Variants in FAM3B observed in about 807,000 individuals in gnomAD.
The protein encoded by FAM3B is FAM3 metabolism regulating signaling molecule B.
A neutral mutation model predicts 28.4 loss-of-function variants in FAM3B; 29 were observed. The observed-to-expected ratio is 1.02, with a 90% CI of 0.76 to 1.39. FAM3B has a LOEUF of 1.39. FAM3B is among the 40% of genes most tolerant of loss of function. The pLI is 0.00. For synonymous variants in FAM3B, 91 were observed against 103.0 expected (o/e 0.88, Z 0.71); for missense variants, 266 against 293.9 (o/e 0.91, Z 0.69).
At chr21:41,350,791 C>T (rs372294885) in intron 7 of FAM3B, among the ~76,000 whole-genome samples, 119 of 152,340 alleles carry the variant, frequency 7.8e-4, no homozygotes, top group African/African-American at 2.8e-3. Context: ...CAGCGTCCTC[C>T]GACTTCTCTG....
rs1211111458 is a variant in FAM3B at position 41,316,811 on chromosome 21, C to T, written c.-69C>T. 4.3e-6 allele frequency: 6 copies of T among 1,409,868 alleles called. No individual in the cohort carries two copies. Among genetic ancestry groups the T allele is most frequent in the African/African-American group, 3.0e-5 (2 of 66,582 alleles). 87.3% of individuals were successfully genotyped at this position (1,409,868 alleles called of 1,614,324 possible). A position where few individuals can be genotyped will look rare whatever the true frequency, so the allele number is the denominator to read the frequency against. On this transcript the variant is annotated 5_prime_UTR_variant, in exon 1 of 8. Coordinates refer to ENST00000357985, the MANE Select transcript of FAM3B (RefSeq NM_058186.4). ...CTGCCCGCCCCTTGCCTTCCTGACC[C>T]AGGGGCTCCGCTGGCTGCGGTCGCC... is the stretch of plus-strand genomic sequence containing the variant.
At chr21:41,354,507 G>T (rs2089147735) in intron 7 of FAM3B, among the ~76,000 whole-genome samples, 1 of 152,128 alleles carries the variant, frequency 6.6e-6, no homozygotes, top group South Asian at 2.1e-4. Flanking sequence ...CCATAAAAAA[G>T]AATGAGATAA....
At chr21:41,311,268 A>ATATATG (rs1378412880) in intron 1 of FAM3B, among the ~76,000 whole-genome samples, 3 of 61,798 alleles carry the variant, frequency 4.9e-5, no homozygotes, top group African/African-American at 9.0e-5. Flanking sequence ...ATATATATAT[A>ATATATG]TATATATATA....
chr21:41,312,364 C>G (rs2088720049), upstream of FAM3B, among the ~76,000 whole-genome samples: 1 of 152,138 alleles, frequency 6.6e-6, no homozygotes, highest in Non-Finnish European at 1.5e-5. Context: ...CACAGACCTT[C>G]CCAGTGCACA....
upstream of FAM3B, chr21:41,316,790 C>T (rs1157823691): frequency 1.5e-6 from 2 of 1,309,620 alleles, no homozygotes; most frequent in Non-Finnish European, 2.0e-6. Context: ...CGACCGCTGC[C>T]CGCCCCTTGC....
At chr21:41,311,251 A>ATATATAT (rs1171631523) in intron 1 of FAM3B, among the ~76,000 whole-genome samples, 4 of 35,064 alleles carry the variant, frequency 1.1e-4, no homozygotes, top group Admixed American at 4.6e-4. Flanking sequence ...AAAAAAAAAA[A>ATATATAT]ATATATATAT....
intron 1 of FAM3B, among the ~76,000 whole-genome samples, chr21:41,317,515 T>G (rs2088760837): frequency 1.3e-5 from 2 of 152,226 alleles, no homozygotes; most frequent in African/African-American, 4.8e-5. Flanking sequence ...GTCACTTTCC[T>G]GTCACAGACC....
intron 1 of FAM3B, among the ~76,000 whole-genome samples, chr21:41,307,908 G>A (rs1284797080): frequency 6.6e-6 from 1 of 152,118 alleles, no homozygotes; most frequent in African/African-American, 2.4e-5. Context: ...CACAGAGACA[G>A]GAAGTAAGCA....
In FAM3B at chr21:41,357,165, A is replaced by G. The variant is rs1326927218; in HGVS notation, c.676A>G (p.Ile226Val). The change falls in exon 8 of 8, where the codon ATA becomes GTA. Residue 226 changes from isoleucine to valine, a missense_variant. Physicochemically the swap from Ile to Val is conservative, Grantham distance 29. Coordinates refer to ENST00000357985, the MANE Select transcript of FAM3B (RefSeq NM_058186.4). ...TTCTGGCTGGCCTGCAGAGATCCAGATAGAAGGCTGCATACCCAAAGAACG... is the reference window on the plus strand; with the variant it reads ...TTCTGGCTGGCCTGCAGAGATCCAGGTAGAAGGCTGCATACCCAAAGAACG... ...RYSGWPAEIQ[I>V]EGCIPKERS The G allele has an allele frequency of 1.9e-6, 3 of 1,613,606 alleles. No individual in the cohort carries two copies. The highest frequency in any genetic ancestry group is 2.2e-5 in the East Asian group (1 of 44,866).
chr21:41,305,186 A>T (rs2088676725), intron 1 of FAM3B, among the ~76,000 whole-genome samples: 1 of 152,098 alleles, frequency 6.6e-6, no homozygotes, highest in Non-Finnish European at 1.5e-5. Flanking sequence ...GCTGAATGAG[A>T]GGGGAGCGAC....
chr21:41,346,949 A>G (rs2089066115), intron 5 of FAM3B, 64 bp from the exon 6 acceptor site: 1 of 1,435,782 alleles, frequency 7.0e-7, no homozygotes, highest in Admixed American at 1.7e-5. Flanking sequence ...GAGGAAGCCC[A>G]GCACCCAAGG....
intron 6 of FAM3B, among the ~76,000 whole-genome samples, chr21:41,347,528 G>A (rs1326439969): frequency 6.6e-6 from 1 of 152,130 alleles, no homozygotes. Context: ...ACCGAGGCAG[G>A]CGGATCACGA....
chr21:41,313,022 A>G (rs1480333851), upstream of FAM3B, among the ~76,000 whole-genome samples: 1 of 152,138 alleles, frequency 6.6e-6, no homozygotes, highest in Non-Finnish European at 1.5e-5. Flanking sequence ...AGTCCTTCTG[A>G]AGGAGGTGGG....
intron 2 of FAM3B, among the ~76,000 whole-genome samples, chr21:41,328,296 A>G (rs1264370021): frequency 6.6e-6 from 1 of 152,142 alleles, no homozygotes; most frequent in Non-Finnish European, 1.5e-5. Context: ...CCTACTTTTA[A>G]ACTGTTAGTT....
intron 1 of FAM3B, among the ~76,000 whole-genome samples, chr21:41,307,291 A>C (rs893532427): frequency 6.6e-6 from 1 of 152,188 alleles, no homozygotes; most frequent in African/African-American, 2.4e-5. Flanking sequence ...CACACCTCTC[A>C]GCCTTCACAG....
At chr21:41,351,221 A>T (rs971753486) in intron 7 of FAM3B, among the ~76,000 whole-genome samples, 1 of 152,252 alleles carries the variant, frequency 6.6e-6, no homozygotes, top group Non-Finnish European at 1.5e-5. Flanking sequence ...GATTTCCTTC[A>T]TATGAAAGAG....
In FAM3B at chr21:41,337,062, G is replaced by T. The variant is rs532741839; in HGVS notation, c.164-1316G>T. On this transcript the variant is annotated intron_variant, in intron 2 of 7. Coordinates refer to ENST00000357985, the MANE Select transcript of FAM3B (RefSeq NM_058186.4). ...GATAAGGCTTTACTACTTCCATTTT[G>T]TTCATTGTTTCCTGGTTGTTTTGTA... Among the ~76,000 whole-genome samples, 3 of 152,190 alleles carry T rather than the reference G, an allele frequency of 2.0e-5. No individual in the cohort carries two copies. The South Asian group carries it at 6.2e-4, about 32-fold the overall frequency.
chr21:41,348,548 A>C (rs372935479), intron 6 of FAM3B, 44 bp from the exon 7 acceptor site: 123 of 1,612,542 alleles, frequency 7.6e-5, no homozygotes, highest in Non-Finnish European at 9.9e-5. Flanking sequence ...TCTCCTCTCC[A>C]CGTCTCCCTG....
At chr21:41,331,895 T>TTA (rs1414569847) in intron 2 of FAM3B, among the ~76,000 whole-genome samples, 2 of 152,332 alleles carry the variant, frequency 1.3e-5, no homozygotes, top group Non-Finnish European at 2.9e-5. Context: ...GGTAATCACA[T>TTA]TATTGATTTG....
Sources: allele counts gnomAD v4.1 joint callset (sites outside exome capture counted in the v4.1 genomes callset), GRCh38; gene constraint gnomAD v4.1.1; transcripts MANE v1.5; gene names NCBI Gene and HGNC (gene_info 2026-07-23, HGNC 2026-07-21).